Variants in MED1 observed in about 807,000 individuals in gnomAD.
MED1 encodes the protein mediator complex subunit 1, also known as mediator of RNA polymerase II transcription subunit 1.
MED1 carries 17 observed loss-of-function variants against 121.3 expected under a neutral mutation model. The ratio of observed to expected loss-of-function variants is 0.14; its 90% confidence interval spans 0.10 to 0.21. MED1 has a LOEUF of 0.21. Ranked by LOEUF, MED1 falls within the 10% of genes least tolerant of loss-of-function variation. MED1 has a pLI of 1.00. For missense variants in MED1, 1,558 were observed against 1,919.4 expected (o/e 0.81, Z 3.52); for synonymous variants, 661 against 694.4 (o/e 0.95, Z 0.76).
chr17:39,447,756 T>C (rs757004810), intron 2 of MED1, 42 bp downstream of exon 2: 2 of 1,392,220 alleles, frequency 1.4e-6, no homozygotes, highest in Admixed American at 3.5e-5. Flanking sequence ...TAAGAATAAT[T>C]ATCTAAGCAA....
intron 14 of MED1, among the ~76,000 whole-genome samples, chr17:39,419,244 C>A (rs527710428): frequency 6.6e-6 from 1 of 151,816 alleles, no homozygotes; most frequent in Non-Finnish European, 1.5e-5. Flanking sequence ...ACCACCACAA[C>A]TGGCTACTTT....
At position 39,447,967 on chromosome 17, in the gene MED1, T is replaced by C. The variant is rs1011773514; in HGVS notation, c.26-63A>G. Reference sequence around the variant, plus strand: ...CTATCAAGACCATCCACAGTTTTCCTTGCAAAATAAATTCCCACACTTCAT... The same window carrying C: ...CTATCAAGACCATCCACAGTTTTCCCTGCAAAATAAATTCCCACACTTCAT... On this transcript the variant is annotated intron_variant, in intron 1 of 16. Transcript: ENST00000300651. 4.5e-6 allele frequency: 5 copies of C among 1,121,540 alleles called. No homozygotes were observed. In the African/African-American group the frequency reaches 6.3e-5, roughly 14 times the overall value. 69.5% of individuals were successfully genotyped at this position (1,121,540 alleles called of 1,614,324 possible).
At position 39,439,161 on chromosome 17, in the gene MED1, T is replaced by G; in HGVS notation, c.428+4A>C. The G allele has an allele frequency of 1.3e-6, 2 of 1,593,768 alleles. No homozygotes were observed. Among genetic ancestry groups the G allele is most frequent in the Non-Finnish European group, 1.7e-6 (2 of 1,175,640 alleles). Reference sequence around the variant, plus strand: ...ATCAAGGAATATAAATCGTATTTGCTCACCTTAGCTGCTGTACAAGCTCCG... The same window carrying G: ...ATCAAGGAATATAAATCGTATTTGCGCACCTTAGCTGCTGTACAAGCTCCG... On this transcript the variant is annotated splice_donor_region_variant and intron_variant, in intron 6 of 16. Transcript: ENST00000300651.
Position 39,406,673 on chromosome 17 carries a change from A to C in MED1, c.*802T>G, listed in dbSNP as rs917605456. 1 of 985,050 alleles carries C rather than the reference A, an allele frequency of 1.0e-6. No individual in the cohort carries two copies. The highest frequency in any genetic ancestry group is 1.2e-6 in the Non-Finnish European group (1 of 829,726). 61.0% of individuals were successfully genotyped at this position (985,050 alleles called of 1,614,324 possible). On this transcript the variant is annotated 3_prime_UTR_variant, in exon 17 of 17. Coordinates refer to ENST00000300651, the MANE Select transcript of MED1 (RefSeq NM_004774.4). ...CCTATTTAAACCCTCCTAAAATAAA[A>C]ATATCATTTTGGTTTTTCTATTATA... is the stretch of plus-strand genomic sequence containing the variant.
Position 39,410,016 on chromosome 17 carries a change from C to A in MED1, c.2205G>T (p.Thr735=), listed in dbSNP as rs753146919. Reference sequence around the variant, plus strand: ...GGCTTGGAGCTGGAGTGATGTGTGGCGTATCCAGCGTGTCAGCTGTCATGT... The same window carrying A: ...GGCTTGGAGCTGGAGTGATGTGTGGAGTATCCAGCGTGTCAGCTGTCATGT... ...DVNMTADTLD[T]PHITPAPSQC... The change falls in exon 17 of 17, where the codon ACG becomes ACT. Residue 735 remains threonine (T), a synonymous_variant. Transcript: ENST00000300651. The A allele has an allele frequency of 3.1e-6, 5 of 1,613,864 alleles. No individual in the cohort carries two copies. Among genetic ancestry groups the A allele is most frequent in the Non-Finnish European group, 4.2e-6 (5 of 1,179,996 alleles).
chr17:39,438,324 C>A (rs1314989286), intron 6 of MED1, among the ~76,000 whole-genome samples: 1 of 146,950 alleles, frequency 6.8e-6, no homozygotes, highest in Non-Finnish European at 1.5e-5. Flanking sequence ...GTACCCACCA[C>A]CATGCCTGGC....
chr17:39,437,420 G>A (rs1029373985), intron 6 of MED1, among the ~76,000 whole-genome samples: 1 of 152,104 alleles, frequency 6.6e-6, no homozygotes, highest in Admixed American at 6.6e-5. Context: ...CCAACCAGGG[G>A]TGATTTTGTG....
chr17:39,412,666 T>C (rs1198055557), intron 16 of MED1, among the ~76,000 whole-genome samples: 3 of 151,416 alleles, frequency 2.0e-5, no homozygotes, highest in African/African-American at 7.3e-5. Context: ...GCCTCCCAAG[T>C]AGCTGGGATT....
chr17:39,423,897 T>C, intron 11 of MED1, 76 bp from the exon 12 acceptor site: 1 of 1,480,256 alleles, frequency 6.8e-7, no homozygotes. Context: ...CTTTTTTTTT[T>C]TTGAGACAGA....
At chr17:39,420,183 T>C (rs946067242) in intron 13 of MED1, among the ~76,000 whole-genome samples, 2 of 150,176 alleles carry the variant, frequency 1.3e-5, no homozygotes, top group African/African-American at 2.4e-5. Flanking sequence ...TCCTAAACCA[T>C]AAATGCAAAA....
chr17:39,423,944 G>A (rs138680972), intron 11 of MED1, 123 bp from the exon 12 acceptor site: 65 of 1,171,464 alleles, frequency 5.5e-5, no homozygotes, highest in African/African-American at 1.9e-4. Context: ...GTGCAATGGC[G>A]TGATCTTGGC....
chr17:39,415,198 G>A (rs1256831247), intron 15 of MED1, 46 bp downstream of exon 15: 1 of 1,608,182 alleles, frequency 6.2e-7, no homozygotes, highest in Admixed American at 1.7e-5. Flanking sequence ...AAAGACATAG[G>A]GACCAAACCG....
At position 39,423,560 on chromosome 17, in the gene MED1, A is replaced by G; in HGVS notation, c.977-115T>C. ...AAAGAGTACTTACTAAGCATTTACTAGTACAAAGCACTATAACATCTTTAC... is the reference window on the plus strand; with the variant it reads ...AAAGAGTACTTACTAAGCATTTACTGGTACAAAGCACTATAACATCTTTAC... On this transcript the variant is annotated intron_variant, in intron 12 of 16. Coordinates refer to ENST00000300651, the MANE Select transcript of MED1 (RefSeq NM_004774.4). 2.8e-6 allele frequency: 4 copies of G among 1,423,438 alleles called. No individual in the cohort carries two copies. In the African/African-American group the frequency reaches 5.6e-5, roughly 20 times the overall value. 88.2% of individuals were successfully genotyped at this position (1,423,438 alleles called of 1,614,324 possible). A position where few individuals can be genotyped will look rare whatever the true frequency, so the allele number is the denominator to read the frequency against.
At position 39,407,200 on chromosome 17, in the gene MED1, C is replaced by T. The variant is rs2048310206; in HGVS notation, c.*275G>A. On this transcript the variant is annotated 3_prime_UTR_variant, in exon 17 of 17. Coordinates refer to ENST00000300651, the MANE Select transcript of MED1 (RefSeq NM_004774.4). ...TCCCTCCCTTCCCTCTCCCTACACCCCTCCCACCCCCCTCCCTTTCTTAAG... is the reference window on the plus strand; with the variant it reads ...TCCCTCCCTTCCCTCTCCCTACACCTCTCCCACCCCCCTCCCTTTCTTAAG... The T allele has an allele frequency of 1.1e-6, 1 of 931,312 alleles. No homozygotes were observed. Among genetic ancestry groups the T allele is most frequent in the African/African-American group, 1.8e-5 (1 of 54,428 alleles). 57.7% of individuals were successfully genotyped at this position (931,312 alleles called of 1,614,324 possible).
chr17:39,411,340 G>T (rs1394511645), intron 16 of MED1, among the ~76,000 whole-genome samples: 1 of 152,094 alleles, frequency 6.6e-6, no homozygotes, highest in Admixed American at 6.6e-5. Flanking sequence ...GCCTCCTTAG[G>T]TCGGGCGCGG....
At chr17:39,425,703 G>A (rs1597862831) in intron 10 of MED1, among the ~76,000 whole-genome samples, 1 of 152,134 alleles carries the variant, frequency 6.6e-6, no homozygotes, top group East Asian at 1.9e-4. Flanking sequence ...TCAGGAGGCT[G>A]AGGCAGGAGA....
At chr17:39,442,763 G>A (rs1597873977) in intron 3 of MED1, among the ~76,000 whole-genome samples, 2 of 150,014 alleles carry the variant, frequency 1.3e-5, no homozygotes, top group African/African-American at 4.9e-5. Flanking sequence ...AAATTACCCG[G>A]GCATGGTGGC....
At chr17:39,424,773 G>T in intron 10 of MED1, 35 bp from the exon 11 acceptor site, 1 of 1,239,324 alleles carries the variant, frequency 8.1e-7, no homozygotes, top group Non-Finnish European at 1.2e-6. Context: ...ATTCCTCAAA[G>T]TAATACAAAT....
intron 13 of MED1, among the ~76,000 whole-genome samples, chr17:39,420,419 T>C (rs1390061945): frequency 6.6e-6 from 1 of 151,940 alleles, no homozygotes; most frequent in Non-Finnish European, 1.5e-5. Flanking sequence ...GCCAGGATTG[T>C]CTCCATCTCC....
Sources: gnomAD v4.1 joint callset for allele counts (sites outside exome capture counted in the v4.1 genomes callset) on GRCh38, gnomAD v4.1.1 for gene constraint, MANE v1.5 for transcripts, NCBI Gene and HGNC (gene_info 2026-07-23, HGNC 2026-07-21) for gene names.